Variants in CCDC171 observed in about 807,000 individuals in gnomAD.
The protein encoded by CCDC171 is coiled-coil domain-containing protein 171.
In CCDC171, 177 loss-of-function variants were observed where a neutral mutation model predicts 168.2. The observed-to-expected ratio is 1.05, with a 90% confidence interval of 0.93 to 1.19. The LOEUF (loss-of-function observed/expected upper bound fraction) is 1.19. Ranked by LOEUF, CCDC171 falls within the 50% of genes most tolerant of loss-of-function variation. CCDC171 has a pLI of 0.00. For synonymous variants in CCDC171, 687 were observed against 540.8 expected (o/e 1.27, Z -3.75); for missense variants, 1,991 against 1,539.0 (o/e 1.29, Z -4.91).
Position 15,784,519 on chromosome 9 carries a change from C to A in CCDC171, c.3092C>A (p.Thr1031Asn). ...LNEFKQSKLITHEKFESACEE... is the reference protein window; with the variant it reads ...LNEFKQSKLINHEKFESACEE... ...TCCTCCTTTTTACAGAAATTGATCACCCATGAGAAGTTTGAAAGTGCATGT... is the reference window on the plus strand; with the variant it reads ...TCCTCCTTTTTACAGAAATTGATCAACCATGAGAAGTTTGAAAGTGCATGT... Residue 1031 changes from threonine to asparagine, a missense_variant, in exon 21 of 26, where the codon ACC becomes AAC. By Grantham distance (65) the Thr-to-Asn change is moderately conservative (BLOSUM62 0). Coordinates refer to ENST00000380701, the MANE Select transcript of CCDC171 (RefSeq NM_173550.4). 1 of 1,611,096 alleles carries A rather than the reference C, an allele frequency of 6.2e-7. No individual in the cohort carries two copies. Among genetic ancestry groups the A allele is most frequent in the Non-Finnish European group, 8.5e-7 (1 of 1,177,878 alleles).
At chr9:15,911,314 T>A (rs1303343310) in intron 24 of CCDC171, among the ~76,000 whole-genome samples, 2 of 152,242 alleles carry the variant, frequency 1.3e-5, no homozygotes, top group African/African-American at 4.8e-5. Flanking sequence ...GAGCTTTTTT[T>A]CATATGTTTG....
Position 15,908,783 on chromosome 9 carries a change from C to T in CCDC171, c.3601-11487C>T, listed in dbSNP as rs551328766. On this transcript the variant is annotated intron_variant, in intron 24 of 25. Transcript: ENST00000380701. ...TGGCAGAAGGTGAATGGGGAGCAGG[C>T]ACGTCAGTAGGCAAAAGTAGGAGCA... Among the ~76,000 whole-genome samples the T allele has an allele frequency of 2.7e-3, 405 of 152,236 alleles. 1 individual carries two copies. Among genetic ancestry groups the T allele is most frequent in the African/African-American group, 9.5e-3 (395 of 41,536 alleles).
intron 18 of CCDC171, among the ~76,000 whole-genome samples, chr9:15,759,695 C>G (rs1381321771): frequency 6.6e-6 from 1 of 152,094 alleles, no homozygotes; most frequent in African/African-American, 2.4e-5. Context: ...GCTTGTGCAT[C>G]TTTTGCAAGA....
At chr9:15,577,908 A>C (rs564958010) in intron 3 of CCDC171, among the ~76,000 whole-genome samples, 3 of 152,226 alleles carry the variant, frequency 2.0e-5, no homozygotes, top group Non-Finnish European at 4.4e-5. Flanking sequence ...CCTGCTGTCA[A>C]TCATTCCACA....
intron 21 of CCDC171, among the ~76,000 whole-genome samples, chr9:15,830,484 T>A (rs4741544): frequency 0.94 from 142,798 of 152,258 alleles, 67,014 homozygotes; most frequent in East Asian, 0.98. Context: ...CAAAACCCTA[T>A]AACAGCTGCC....
At chr9:16,008,723 A>G (rs920456080) in intron 3 of CCDC171, among the ~76,000 whole-genome samples, 1 of 152,192 alleles carries the variant, frequency 6.6e-6, no homozygotes, top group Non-Finnish European at 1.5e-5. Flanking sequence ...GAGCACAGCT[A>G]AGACTATACA....
chr9:15,922,740 G>GT (rs1236100060), intron 25 of CCDC171, among the ~76,000 whole-genome samples: 1 of 151,274 alleles, frequency 6.6e-6, no homozygotes, highest in Non-Finnish European at 1.5e-5. Flanking sequence ...CTTATCTTTT[G>GT]TTTTTTGTTA....
chr9:15,867,422 C>T (rs1278123886), intron 23 of CCDC171, among the ~76,000 whole-genome samples: 1 of 151,814 alleles, frequency 6.6e-6, no homozygotes, highest in Non-Finnish European at 1.5e-5. Flanking sequence ...TCTAAAAAAC[C>T]CAATTTTTAG....
Position 15,563,887 on chromosome 9 carries a change from T to C in CCDC171, c.-111-91T>C. The C allele has an allele frequency of 5.7e-6, 3 of 529,294 alleles. No homozygotes were observed. The South Asian group carries it at 7.1e-5, about 12-fold the overall frequency. 32.8% of individuals were successfully genotyped at this position (529,294 alleles called of 1,614,324 possible). ...CACCTACAATTTCACTTATCAATTA[T>C]TACATCTTTCCAAAATAAACCAAAA... On this transcript the variant is annotated intron_variant, in intron 1 of 25. Coordinates refer to ENST00000380701, the MANE Select transcript of CCDC171 (RefSeq NM_173550.4).
At chr9:15,867,092 A>G (rs747213891) in intron 23 of CCDC171, among the ~76,000 whole-genome samples, 1 of 152,060 alleles carries the variant, frequency 6.6e-6, no homozygotes, top group Non-Finnish European at 1.5e-5. Context: ...TCTCTTGGAA[A>G]GAGGTGTGCT....
At chr9:15,700,555 G>A (rs996099068) in intron 11 of CCDC171, among the ~76,000 whole-genome samples, 5 of 152,252 alleles carry the variant, frequency 3.3e-5, no homozygotes, top group African/African-American at 9.6e-5. Flanking sequence ...CAGAGGAGGC[G>A]CCGAGAGCAA....
rs1044811713 is a variant in CCDC171, at chr9:15,608,287, A to G, written c.675+14115A>G. On this transcript the variant is annotated intron_variant, in intron 6 of 25. Coordinates refer to ENST00000380701, the MANE Select transcript of CCDC171 (RefSeq NM_173550.4). ...TGGAAGGGACACACATTCAAACCAT[A>G]ACACTGACATTGAGATTTAAGTTCT... Among the ~76,000 whole-genome samples the G allele has an allele frequency of 8.5e-5, 13 of 152,316 alleles. 1 individual carries two copies. The highest frequency in any genetic ancestry group is 5.9e-4 in the Admixed American group (9 of 15,306).
At chr9:16,011,101 A>G (rs1478214880) in intron 3 of CCDC171, among the ~76,000 whole-genome samples, 2 of 152,222 alleles carry the variant, frequency 1.3e-5, no homozygotes, top group Non-Finnish European at 2.9e-5. Context: ...TTAATGGCTC[A>G]TGGAGAAGGT....
intron 10 of CCDC171, among the ~76,000 whole-genome samples, chr9:15,684,434 G>T (rs927672114): frequency 7.9e-5 from 12 of 151,036 alleles, no homozygotes; most frequent in African/African-American, 2.7e-4. Context: ...GGTTTTTATT[G>T]TTATTTATGA....
rs2047999965 is a variant in CCDC171 at position 15,657,131 on chromosome 9, C to G, written c.827C>G (p.Thr276Ser). 3 of 1,576,626 alleles carry G rather than the reference C, an allele frequency of 1.9e-6. No homozygotes were observed. The highest frequency in any genetic ancestry group is 1.4e-5 in the African/African-American group (1 of 73,148). Residue 276 changes from threonine to serine, a missense_variant, in exon 8 of 26, where the codon ACT (threonine) becomes AGT (serine). Physicochemically the swap from Thr to Ser is moderately conservative, Grantham distance 58. Coordinates refer to ENST00000380701, the MANE Select transcript of CCDC171 (RefSeq NM_173550.4). ...EERLRKEFEA[T>S]TLRVRKLEEN... ...AAACTTTTAATTTGTTTTCAGGCAA[C>G]TACTCTAAGAGTGAGGAAATTAGAA...
chr9:15,880,320 T>C (rs1484101449), intron 24 of CCDC171, among the ~76,000 whole-genome samples: 3 of 152,232 alleles, frequency 2.0e-5, no homozygotes, highest in African/African-American at 7.2e-5. Flanking sequence ...CTTTATTCTT[T>C]TACATTTTTT....
chr9:15,990,605 G>T (rs1413199549), intron 3 of CCDC171, among the ~76,000 whole-genome samples: 1 of 152,176 alleles, frequency 6.6e-6, no homozygotes, highest in Non-Finnish European at 1.5e-5. Context: ...TGGGCTAAAT[G>T]CTCCAATTAA....
intron 25 of CCDC171, among the ~76,000 whole-genome samples, chr9:15,950,508 A>T (rs1477552137): frequency 2.6e-5 from 4 of 152,276 alleles, no homozygotes; most frequent in East Asian, 1.9e-4. Flanking sequence ...CCAGAATTTC[A>T]TATCCAGCCA....
intron 21 of CCDC171, among the ~76,000 whole-genome samples, chr9:15,836,451 C>T (rs1315138665): frequency 1.3e-5 from 2 of 152,222 alleles, no homozygotes; most frequent in East Asian, 1.9e-4. Flanking sequence ...CTGCAAGCTC[C>T]GCCTCCCGGG....
Sources: allele counts gnomAD v4.1 joint callset (sites outside exome capture counted in the v4.1 genomes callset), GRCh38; gene constraint gnomAD v4.1.1; transcripts MANE v1.5; gene names NCBI Gene and HGNC (gene_info 2026-07-23, HGNC 2026-07-21).